TSHZ1: variants seen among roughly 807,000 people sequenced by gnomAD.
TSHZ1 encodes the protein teashirt homolog 1.
A neutral mutation model predicts 67.1 loss-of-function variants in TSHZ1; 12 were observed. The ratio of observed to expected loss-of-function variants is 0.18; its 90% CI spans 0.11 to 0.29. The LOEUF (loss-of-function observed/expected upper bound fraction) is 0.29, where lower values mean the gene tolerates loss of function less well. TSHZ1 is among the 10% of genes least tolerant of loss of function. The pLI, the probability that TSHZ1 is intolerant of heterozygous loss-of-function variation, is 1.00. For synonymous variants in TSHZ1, 632 were observed against 622.4 expected (o/e 1.02, Z -0.23); for missense variants, 1,305 against 1,413.9 (o/e 0.92, Z 1.23).
At position 75,218,171 on chromosome 18, in the gene TSHZ1, A is replaced by T. The variant is rs1043649033; in HGVS notation, c.40+6255A>T. On this transcript the variant is annotated intron_variant, in intron 1 of 1. Coordinates refer to ENST00000580243, the MANE Select transcript of TSHZ1 (RefSeq NM_001308210.2). Reference sequence around the variant, plus strand: ...TAGAGCAAAGGAAAAAAATATGTGCATAGGAAGGGTATTAAAGCTGACAGA... The same window carrying T: ...TAGAGCAAAGGAAAAAAATATGTGCTTAGGAAGGGTATTAAAGCTGACAGA... 3.0e-4 allele frequency among the ~76,000 whole-genome samples: 45 copies of T among 152,258 alleles called. 1 individual carries two copies. The highest frequency in any genetic ancestry group is 1.0e-3 in the African/African-American group (43 of 41,466).
intron 1 of TSHZ1, among the ~76,000 whole-genome samples, chr18:75,261,321 T>C (rs558510299): frequency 1.3e-5 from 2 of 152,288 alleles, no homozygotes; most frequent in South Asian, 4.2e-4. Context: ...TTGTAACACA[T>C]TTATGGCCTT....
At chr18:75,221,178 A>G (rs886727368) in intron 1 of TSHZ1, 1 of 152,244 alleles carries the variant, frequency 6.6e-6, no homozygotes, top group African/African-American at 2.4e-5. Flanking sequence ...TATGGTAAAT[A>G]TAGGTCAAGT....
chr18:75,279,329 T>G (rs1486345323), intron 1 of TSHZ1, among the ~76,000 whole-genome samples: 1 of 152,106 alleles, frequency 6.6e-6, no homozygotes, highest in Non-Finnish European at 1.5e-5. Flanking sequence ...GTAAAATAGC[T>G]GAAAAATAGA....
intron 1 of TSHZ1, among the ~76,000 whole-genome samples, chr18:75,250,415 G>C (rs936661409): frequency 6.6e-6 from 1 of 152,196 alleles, no homozygotes; most frequent in Non-Finnish European, 1.5e-5. Context: ...CTTCCGTCCC[G>C]CTCTGTAGCT....
intron 1 of TSHZ1, among the ~76,000 whole-genome samples, chr18:75,237,645 C>G (rs1053050954): frequency 6.6e-6 from 1 of 152,012 alleles, no homozygotes; most frequent in Non-Finnish European, 1.5e-5. Flanking sequence ...TTTTCTCTTG[C>G]CAGTGACTGC....
Position 75,286,507 on chromosome 18 carries a change from C to T in TSHZ1, c.1100C>T (p.Pro367Leu). The change falls in exon 2 of 2, where the codon CCA becomes CTA. Residue 367 changes from proline (P) to leucine (L), a missense_variant. Physicochemically the swap from Pro to Leu is moderately conservative, Grantham distance 98 (BLOSUM62 -3). Coordinates refer to ENST00000580243, the MANE Select transcript of TSHZ1 (RefSeq NM_001308210.2). The surrounding 1 kb of genome is among the most constrained non-coding windows in gnomAD (Gnocchi z 5.1). ...QDLAPPCSPEPAGMAAEVALS... is the reference protein window; with the variant it reads ...QDLAPPCSPELAGMAAEVALS... ...CTGGCGCCCCCCTGCTCCCCTGAGC[C>T]AGCAGGAATGGCCGCAGAGGTGGCC... 6.2e-7 allele frequency: 1 copy of T among 1,614,204 alleles called. No homozygotes were observed. Among genetic ancestry groups the T allele is most frequent in the Non-Finnish European group, 8.5e-7 (1 of 1,180,046 alleles).
intron 1 of TSHZ1, among the ~76,000 whole-genome samples, chr18:75,226,977 G>A (rs572490513): frequency 6.6e-6 from 1 of 152,310 alleles, no homozygotes; most frequent in East Asian, 1.9e-4. Context: ...ACCCAAAGGA[G>A]TGATTGTTCC....
rs144765069 is a variant in TSHZ1 at position 75,243,407 on chromosome 18, C to T, written c.40+31491C>T. Among the ~76,000 whole-genome samples, 263 of 152,044 alleles carry T rather than the reference C, an allele frequency of 1.7e-3. 8 individuals are homozygous for T. The South Asian group carries it at 0.052, about 30-fold the overall frequency. The stretch of plus-strand genomic sequence containing the variant: ...GCAAGTCTTGTTGGGGAAAAAGACG[C>T]GTGTGTATACCTCTCTTAATGAAGT... On this transcript the variant is annotated intron_variant, in intron 1 of 1. Coordinates refer to ENST00000580243, the MANE Select transcript of TSHZ1 (RefSeq NM_001308210.2).
chr18:75,261,976 C>T (rs2023436194), intron 1 of TSHZ1, among the ~76,000 whole-genome samples: 2 of 152,168 alleles, frequency 1.3e-5, no homozygotes. Flanking sequence ...GACCTGTATT[C>T]TCTCCAGGAG....
In TSHZ1 at chr18:75,286,638, C is replaced by T. The variant is rs148944812; in HGVS notation, c.1231C>T (p.Arg411Cys). The change falls in exon 2 of 2, where the codon CGC (arginine) becomes TGC (cysteine). Residue 411 changes from arginine to cysteine, a missense_variant. This residue lies in a region of TSHZ1 where 909 missense variants were observed against 961.8 expected (regional missense o/e 0.95). Transcript: ENST00000580243. The surrounding 1 kb of genome is among the most constrained non-coding windows in gnomAD (Gnocchi z 5.1). ...GASYTWQFEA[R>C]KAQILKCMEC... ...CAGCTACACCTGGCAGTTTGAGGCC[C>T]GCAAGGCGCAGATCCTCAAGTGCAT... 122 of 1,614,232 alleles carry T rather than the reference C, an allele frequency of 7.6e-5. No homozygotes were observed. In the Admixed American group the frequency reaches 1.5e-3, roughly 20 times the overall value.
chr18:75,270,219 CCTGGGGCACCT>C (rs1441278094), intron 1 of TSHZ1, among the ~76,000 whole-genome samples: 2 of 152,130 alleles, frequency 1.3e-5, no homozygotes, highest in African/African-American at 4.8e-5. Context: ...GATGGCATGG[CCTGGGGCACCT>C]CACTTAACCT....
chr18:75,221,502 G>C (rs1307953891), intron 1 of TSHZ1, among the ~76,000 whole-genome samples: 1 of 152,214 alleles, frequency 6.6e-6, no homozygotes, highest in Non-Finnish European at 1.5e-5. Flanking sequence ...AATGAATGCT[G>C]AACTGAAGTG....
At chr18:75,242,691 G>C (rs2023171635) in intron 1 of TSHZ1, among the ~76,000 whole-genome samples, 1 of 152,256 alleles carries the variant, frequency 6.6e-6, no homozygotes, top group Admixed American at 6.5e-5. Flanking sequence ...GTCGTTATTA[G>C]ATTTGGTAAT....
At chr18:75,263,400 G>A (rs80015010) in intron 1 of TSHZ1, among the ~76,000 whole-genome samples, 1 of 152,184 alleles carries the variant, frequency 6.6e-6, no homozygotes, top group African/African-American at 2.4e-5. Flanking sequence ...TTTGTTTTGT[G>A]TTAAATATCG....
chr18:75,215,226 C>G (rs957819680), intron 1 of TSHZ1, among the ~76,000 whole-genome samples: 2 of 152,186 alleles, frequency 1.3e-5, no homozygotes, highest in African/African-American at 4.8e-5. Context: ...AAAAATCAGT[C>G]TTTTCAGGTG....
intron 1 of TSHZ1, chr18:75,285,161 A>C: frequency 3.8e-6 from 1 of 265,700 alleles, no homozygotes; most frequent in Non-Finnish European, 7.1e-6. Context: ...TGGAGTCCCA[A>C]GTTCCTGCCC....
At chr18:75,232,648 C>T (rs1396820557) in intron 1 of TSHZ1, among the ~76,000 whole-genome samples, 1 of 152,200 alleles carries the variant, frequency 6.6e-6, no homozygotes, top group African/African-American at 2.4e-5. Flanking sequence ...TTCTGGACTC[C>T]AGGTAAACCC....
chr18:75,221,060 C>T (rs1318557793), intron 1 of TSHZ1: 3 of 152,252 alleles, frequency 2.0e-5, no homozygotes, highest in Admixed American at 2.0e-4. Flanking sequence ...CCCAGCAGAG[C>T]CCGCGTTAGC....
intron 1 of TSHZ1, among the ~76,000 whole-genome samples, chr18:75,217,866 G>A (rs2022792490): frequency 6.6e-6 from 1 of 152,080 alleles, no homozygotes; most frequent in African/African-American, 2.4e-5. Context: ...ATATTGGGTC[G>A]ATTGTTATAA....
Sources: allele counts gnomAD v4.1 joint callset (sites outside exome capture counted in the v4.1 genomes callset), GRCh38; gene constraint gnomAD v4.1.1; regional missense constraint gnomAD v4.1.1; non-coding constraint Gnocchi (gnomAD v3.1); transcripts MANE v1.5; gene names NCBI Gene and HGNC (gene_info 2026-07-23, HGNC 2026-07-21).